Variants in SLC2A9 observed in about 807,000 individuals in gnomAD.
SLC2A9 encodes the protein solute carrier family 2 member 9.
SLC2A9 carries 39 observed loss-of-function variants against 50.6 expected under a neutral mutation model. The ratio of observed to expected loss-of-function variants is 0.77; its 90% CI spans 0.60 to 1.01. The LOEUF is 1.01. Among genes scored for constraint, SLC2A9 ranks in the 50% least tolerant of loss-of-function variants. SLC2A9 has a pLI of 0.00. For missense variants in SLC2A9, 686 were observed against 677.6 expected, an observed-to-expected ratio of 1.01 and a Z score of -0.14; for synonymous variants, 324 against 276.9, an observed-to-expected ratio of 1.17 and a Z score of -1.69.
intron 3 of SLC2A9, among the ~76,000 whole-genome samples, chr4:9,800,011 T>C (rs2108925056): frequency 6.6e-6 from 1 of 152,260 alleles, no homozygotes; most frequent in East Asian, 1.9e-4. Context: ...ATTAGTAACA[T>C]CCCTTGGTCA....
chr4:9,821,190 T>C (rs1350191879), intron 3 of SLC2A9, among the ~76,000 whole-genome samples: 1 of 152,264 alleles, frequency 6.6e-6, no homozygotes, highest in Non-Finnish European at 1.5e-5. Context: ...TATAATCATA[T>C]GTTCTTTTCC....
In SLC2A9 at chr4:10,014,045, G is replaced by A. The variant is rs117018064; in HGVS notation, c.249+4930C>T. On this transcript the variant is annotated intron_variant, in intron 2 of 11. Coordinates refer to ENST00000264784, the MANE Select transcript of SLC2A9 (RefSeq NM_020041.3). ...TTCCAAGGGTTTCTTTCTCCTTCTC[G>A]AGAGCCCAGCACCCCAGGTGAAGCC... Among the ~76,000 whole-genome samples, 97 of 152,180 alleles carry A rather than the reference G, an allele frequency of 6.4e-4. 1 individual carries two copies. The East Asian group carries it at 0.014, about 23-fold the overall frequency.
intron 10 of SLC2A9, among the ~76,000 whole-genome samples, chr4:9,884,824 G>T (rs1326193810): frequency 6.6e-6 from 1 of 152,200 alleles, no homozygotes; most frequent in East Asian, 1.9e-4. Context: ...ATGTACCACG[G>T]AATACTACAC....
At chr4:9,844,948 A>G (rs756043117) in intron 10 of SLC2A9, among the ~76,000 whole-genome samples, 19 of 152,208 alleles carry the variant, frequency 1.2e-4, no homozygotes, top group Non-Finnish European at 2.2e-4. Context: ...TGTTTCCTAC[A>G]TATTATCTTT....
chr4:9,914,433 G>A (rs1167952457), intron 7 of SLC2A9, among the ~76,000 whole-genome samples: 1 of 152,200 alleles, frequency 6.6e-6, no homozygotes, highest in Admixed American at 6.5e-5. Context: ...GCTTGGCAGT[G>A]GAGGCAGAGG....
chr4:9,848,954 G>T (rs905966183), intron 10 of SLC2A9, among the ~76,000 whole-genome samples: 1 of 152,216 alleles, frequency 6.6e-6, no homozygotes, highest in Admixed American at 6.5e-5. Context: ...CGCCTGCCTC[G>T]GCCTCCCGAA....
chr4:9,800,948 C>A (rs938482158), intron 3 of SLC2A9, among the ~76,000 whole-genome samples: 1 of 152,114 alleles, frequency 6.6e-6, no homozygotes, highest in South Asian at 2.1e-4. Flanking sequence ...TGCAGTCAGG[C>A]GCAGTCCCTG....
At chr4:10,035,229 C>T (rs1206341247) in intron 1 of SLC2A9, 2 of 152,216 alleles carry the variant, frequency 1.3e-5, no homozygotes, top group Admixed American at 6.5e-5. Flanking sequence ...TGCTGTGTCA[C>T]CAAAATCCCT....
At chr4:9,826,836 G>C (rs984555225) in intron 11 of SLC2A9, among the ~76,000 whole-genome samples, 5 of 152,072 alleles carry the variant, frequency 3.3e-5, no homozygotes, top group Non-Finnish European at 7.4e-5. Context: ...GCACTTTTTT[G>C]TTGTTGTTGT....
At chr4:10,023,279 CA>C (rs1485122102), upstream of SLC2A9, among the ~76,000 whole-genome samples, 1 of 152,194 alleles carries the variant, frequency 6.6e-6, no homozygotes, top group Non-Finnish European at 1.5e-5. Context: ...GCCTGAAGTA[CA>C]GGAGATGGGC....
At chr4:9,984,888 C>T (rs963495231) in intron 4 of SLC2A9, among the ~76,000 whole-genome samples, 2 of 152,184 alleles carry the variant, frequency 1.3e-5, no homozygotes, top group African/African-American at 2.4e-5. Context: ...CAGTCCTCGC[C>T]GTGGCCTACA....
intron 5 of SLC2A9, among the ~76,000 whole-genome samples, chr4:9,963,929 C>G (rs531998899): frequency 1.3e-5 from 2 of 152,158 alleles, no homozygotes; most frequent in South Asian, 4.1e-4. Flanking sequence ...ACACCCAACA[C>G]GCTTGTTAAT....
At chr4:9,910,097 A>G (rs1296770801) in intron 7 of SLC2A9, among the ~76,000 whole-genome samples, 1 of 152,264 alleles carries the variant, frequency 6.6e-6, no homozygotes, top group Non-Finnish European at 1.5e-5. Context: ...GCATACCAAG[A>G]GATGCCAGTG....
At chr4:9,810,993 A>C (rs1047369851) in intron 3 of SLC2A9, among the ~76,000 whole-genome samples, 1 of 152,160 alleles carries the variant, frequency 6.6e-6, no homozygotes, top group Non-Finnish European at 1.5e-5. Flanking sequence ...GGTTTGCGGG[A>C]GATTCCCTCC....
intron 10 of SLC2A9, among the ~76,000 whole-genome samples, chr4:9,851,677 A>G (rs1046048525): frequency 6.6e-6 from 1 of 152,146 alleles, no homozygotes; most frequent in African/African-American, 2.4e-5. Context: ...AAGGAATTCA[A>G]TAAAACAATA....
At chr4:9,944,093 C>A (rs1278795076) in intron 5 of SLC2A9, among the ~76,000 whole-genome samples, 3 of 152,218 alleles carry the variant, frequency 2.0e-5, no homozygotes, top group Non-Finnish European at 4.4e-5. Context: ...AGGGCACCCC[C>A]AGCATAGGAA....
chr4:9,849,930 G>T (rs1235797776), intron 10 of SLC2A9, among the ~76,000 whole-genome samples: 2 of 151,910 alleles, frequency 1.3e-5, no homozygotes, highest in Admixed American at 6.6e-5. Flanking sequence ...CTGGGAGGGG[G>T]TGTTGAAATA....
chr4:9,934,819 G>C (rs1746771568), intron 6 of SLC2A9, among the ~76,000 whole-genome samples: 1 of 151,974 alleles, frequency 6.6e-6, no homozygotes, highest in African/African-American at 2.4e-5. Context: ...CTCAGCCCCT[G>C]CCCACAGGCC....
At chr4:9,815,094 A>G (rs1343880494) in intron 3 of SLC2A9, among the ~76,000 whole-genome samples, 1 of 152,178 alleles carries the variant, frequency 6.6e-6, no homozygotes, top group Non-Finnish European at 1.5e-5. Context: ...TATTTACTTC[A>G]TGGGTTGTCT....
Sources: gnomAD v4.1 joint callset for allele counts (sites outside exome capture counted in the v4.1 genomes callset) on GRCh38, gnomAD v4.1.1 for gene constraint, MANE v1.5 for transcripts, NCBI Gene and HGNC (gene_info 2026-07-23, HGNC 2026-07-21) for gene names.